The following TBC1D5 variants were observed in gnomAD, a reference collection of about 807,000 sequenced individuals.
The protein encoded by TBC1D5 is TBC1 domain family, member 5.
Under a neutral mutation model 100.3 loss-of-function variants are expected in TBC1D5, and 75 were observed. The ratio of observed to expected loss-of-function variants is 0.75; its 90% CI spans 0.62 to 0.91. TBC1D5 has a LOEUF of 0.91. Ranked by LOEUF, TBC1D5 falls within the 40% of genes least tolerant of loss-of-function variation. The pLI, the probability that TBC1D5 is intolerant of heterozygous loss-of-function variation, is 0.00. For synonymous variants in TBC1D5, 323 were observed against 325.6 expected (o/e 0.99, Z 0.09); for missense variants, 910 against 942.4 (o/e 0.97, Z 0.45).
At chr3:17,237,172 A>T (rs921852003) in intron 17 of TBC1D5, among the ~76,000 whole-genome samples, 3 of 152,174 alleles carry the variant, frequency 2.0e-5, no homozygotes, top group East Asian at 1.9e-4. Flanking sequence ...TCCCTTTAAG[A>T]CATGAATGAC....
chr3:17,290,976 A>C (rs1485872646), intron 15 of TBC1D5, among the ~76,000 whole-genome samples: 1 of 152,240 alleles, frequency 6.6e-6, no homozygotes, highest in Non-Finnish European at 1.5e-5. Context: ...AGGAAAGGAC[A>C]GAAATCCTTT....
At chr3:17,224,500 T>C (rs1300716512) in intron 17 of TBC1D5, among the ~76,000 whole-genome samples, 1 of 152,236 alleles carries the variant, frequency 6.6e-6, no homozygotes, top group East Asian at 1.9e-4. Flanking sequence ...GTCTTCAAAA[T>C]GCAGTGCATA....
intron 3 of TBC1D5, among the ~76,000 whole-genome samples, chr3:17,486,526 G>A (rs11918295): frequency 0.08 from 12,170 of 152,172 alleles, 1,006 homozygotes; most frequent in African/African-American, 0.22. Context: ...CAGTACATGA[G>A]TAGTAGTGAC....
At position 17,609,345 on chromosome 3, in the gene TBC1D5, C is replaced by CA. The variant is rs771802252; in HGVS notation, c.-36+14503dup. ...TACAACTCCTGCCCTTTTAGAATTA[C>CA]AAAAAATGTTCTCTGAATGGTTCAA... On this transcript the variant is annotated intron_variant, in intron 2 of 21. Transcript: ENST00000253692. Among the ~76,000 whole-genome samples the CA allele has an allele frequency of 1.4e-3, 206 of 152,226 alleles. 2 individuals are homozygous for CA. Among genetic ancestry groups the CA allele is most frequent in the Non-Finnish European group, 1.7e-3 (114 of 68,014 alleles).
chr3:17,652,481 C>T (rs1212652789), intron 1 of TBC1D5, among the ~76,000 whole-genome samples: 1 of 152,002 alleles, frequency 6.6e-6, no homozygotes, highest in East Asian at 1.9e-4. Flanking sequence ...ATTTCCTCTA[C>T]ATTGGGAGAA....
intron 2 of TBC1D5, among the ~76,000 whole-genome samples, chr3:17,528,260 G>A (rs1452680572): frequency 6.6e-6 from 1 of 152,174 alleles, no homozygotes; most frequent in Non-Finnish European, 1.5e-5. Flanking sequence ...GGGCCTTCAG[G>A]AGGTGATTTC....
In TBC1D5 at chr3:17,567,159, A is replaced by G. The variant is rs555856276; in HGVS notation, c.-36+56690T>C. Among the ~76,000 whole-genome samples the G allele has an allele frequency of 3.5e-3, 531 of 151,914 alleles. 4 individuals carry two copies. Among genetic ancestry groups the G allele is most frequent in the African/African-American group, 0.012 (503 of 41,548 alleles). On this transcript the variant is annotated intron_variant, in intron 2 of 21. Coordinates refer to ENST00000253692, the Ensembl canonical transcript of TBC1D5. ...ATTCCTTAAATATAAAGATGCCTCA[A>G]GTAAATCATTTTGTTTCTAAATAGA...
At chr3:17,336,377 A>G (rs1039071012) in intron 13 of TBC1D5, among the ~76,000 whole-genome samples, 1 of 152,082 alleles carries the variant, frequency 6.6e-6, no homozygotes, top group African/African-American at 2.4e-5. Context: ...TGCAAATAAG[A>G]AAACAACTAA....
intron 13 of TBC1D5, among the ~76,000 whole-genome samples, chr3:17,336,015 C>A (rs894326166): frequency 5.3e-5 from 8 of 152,078 alleles, no homozygotes; most frequent in African/African-American, 1.4e-4. Context: ...CATATAGCCA[C>A]CATTTCTCAG....
chr3:17,561,433 G>A (rs1001009969), intron 2 of TBC1D5, among the ~76,000 whole-genome samples: 1 of 152,094 alleles, frequency 6.6e-6, no homozygotes, highest in South Asian at 2.1e-4. Flanking sequence ...CTTATCTTAA[G>A]AAGATTATAA....
chr3:17,476,096 C>CT (rs552288245), intron 3 of TBC1D5, among the ~76,000 whole-genome samples: 1 of 151,810 alleles, frequency 6.6e-6, no homozygotes, highest in Non-Finnish European at 1.5e-5. Context: ...GGATGCTAAA[C>CT]TTTTTTTAGT....
At chr3:17,215,624 C>T (rs935144275) in intron 17 of TBC1D5, among the ~76,000 whole-genome samples, 2 of 151,820 alleles carry the variant, frequency 1.3e-5, no homozygotes, top group African/African-American at 2.4e-5. Context: ...GAAGTCAGTA[C>T]CATAGAGACT....
At chr3:17,627,263 G>C (rs934626582) in intron 1 of TBC1D5, among the ~76,000 whole-genome samples, 3 of 152,184 alleles carry the variant, frequency 2.0e-5, no homozygotes, top group African/African-American at 7.2e-5. Context: ...GACTGGAGCG[G>C]ACAGACAGTG....
chr3:17,306,351 G>A (rs2083398585), intron 14 of TBC1D5, among the ~76,000 whole-genome samples: 1 of 152,170 alleles, frequency 6.6e-6, no homozygotes, highest in Non-Finnish European at 1.5e-5. Flanking sequence ...GACAGGAGCA[G>A]TGATCTGTAA....
intron 17 of TBC1D5, among the ~76,000 whole-genome samples, chr3:17,215,449 G>A (rs1210418343): frequency 6.6e-6 from 1 of 152,082 alleles, no homozygotes; most frequent in Non-Finnish European, 1.5e-5. Flanking sequence ...TTACTGAGGT[G>A]GGGAAGAGTG....
intron 1 of TBC1D5, among the ~76,000 whole-genome samples, chr3:17,690,791 C>A (rs1385904215): frequency 6.6e-6 from 1 of 152,142 alleles, no homozygotes; most frequent in Non-Finnish European, 1.5e-5. Flanking sequence ...TATCTCCACC[C>A]CCATCCATGG....
At chr3:17,694,650 G>A (rs776616967) in intron 1 of TBC1D5, among the ~76,000 whole-genome samples, 8 of 152,244 alleles carry the variant, frequency 5.3e-5, no homozygotes, top group Middle Eastern at 3.4e-3. Flanking sequence ...TGGGGAGAAT[G>A]GACCCAAGTT....
chr3:17,568,890 CA>C (rs2096609224), intron 2 of TBC1D5, among the ~76,000 whole-genome samples: 1 of 151,710 alleles, frequency 6.6e-6, no homozygotes, highest in Non-Finnish European at 1.5e-5. Context: ...TACTGCTCCA[CA>C]ACTATCTGAA....
intron 2 of TBC1D5, among the ~76,000 whole-genome samples, chr3:17,600,381 AGTCT>A (rs1419029992): frequency 2.6e-5 from 4 of 152,286 alleles, no homozygotes; most frequent in East Asian, 3.9e-4. Flanking sequence ...CTAGTGTTTC[AGTCT>A]GTCTGCTAGC....
Sources: gnomAD v4.1 joint callset for allele counts (sites outside exome capture counted in the v4.1 genomes callset) on GRCh38, gnomAD v4.1.1 for gene constraint, MANE v1.5 for transcripts, NCBI Gene and HGNC (gene_info 2026-07-23, HGNC 2026-07-21) for gene names.